The following NME7 variants were observed in gnomAD, a reference collection of about 807,000 sequenced individuals.
NME7 encodes the protein NME/NM23 family member 7, also known as nucleoside diphosphate kinase 7.
In NME7, 41 loss-of-function variants were observed where a neutral mutation model predicts 49.1. The observed-to-expected ratio is 0.83, with a 90% CI of 0.65 to 1.08. NME7 has a LOEUF of 1.08. NME7 is among the 50% of genes least tolerant of loss of function. The pLI is 0.00. For synonymous variants in NME7, 139 were observed against 150.6 expected (o/e 0.92, Z 0.56); for missense variants, 423 against 463.4 (o/e 0.91, Z 0.80).
At chr1:169,266,971 G>T (rs1649337082) in intron 7 of NME7, among the ~76,000 whole-genome samples, 1 of 132,928 alleles carries the variant, frequency 7.5e-6, no homozygotes, top group African/African-American at 2.5e-5. Context: ...GGGAGGCTGA[G>T]GCACAAGAAT....
chr1:169,266,303 T>C lies in NME7; in HGVS notation c.754+21000A>G, dbSNP rs1649318797. ...CTTTATCCTTGGGATACAAGGTTAGTTCAACATACACAAATCAATAAATGT... is the reference window on the plus strand; with the variant it reads ...CTTTATCCTTGGGATACAAGGTTAGCTCAACATACACAAATCAATAAATGT... On this transcript the variant is annotated intron_variant, in intron 7 of 11. Transcript: ENST00000367811. Among the ~76,000 whole-genome samples the C allele has an allele frequency of 2.2e-5, 3 of 133,532 alleles. No homozygotes were observed. The South Asian group carries it at 6.9e-4, about 31-fold the overall frequency. 87.6% of individuals were successfully genotyped at this position (133,532 alleles called of 152,430 possible).
In NME7 at chr1:169,310,003, G is replaced by A; in HGVS notation, c.356C>T (p.Thr119Ile). 1 of 1,603,614 alleles carries A rather than the reference G, an allele frequency of 6.2e-7. No individual in the cohort carries two copies. Among genetic ancestry groups the A allele is most frequent in the Non-Finnish European group, 8.5e-7 (1 of 1,174,402 alleles). The change falls in exon 4 of 12, where the codon ACT (threonine) becomes ATT (isoleucine). Residue 119 changes from threonine (T) to isoleucine (I), a missense_variant. Thr to Ile is a moderately conservative substitution (Grantham distance 89). Transcript: ENST00000367811. ...IIEIINKAGF[T>I]ITKLKMMMLS... ...CATCATCATTTTGAGTTTGGTTATA[G>A]TAAATCCAGCTTTGTTTATTATTTC...
intron 7 of NME7, among the ~76,000 whole-genome samples, chr1:169,264,242 A>C (rs1649249652): frequency 7.5e-6 from 1 of 134,072 alleles, no homozygotes; most frequent in African/African-American, 2.5e-5. Context: ...AAATTCACAC[A>C]TATCAATACT....
chr1:169,257,537 C>G lies in NME7; in HGVS notation c.755-19850G>C, dbSNP rs1328840819. Among the ~76,000 whole-genome samples, 2 of 134,134 alleles carry G rather than the reference C, an allele frequency of 1.5e-5. 1 individual carries two copies. Among genetic ancestry groups the G allele is most frequent in the Non-Finnish European group, 3.5e-5 (2 of 57,104 alleles). The allele number at this position is 134,134 out of a possible 152,430, so 88.0% of individuals were successfully genotyped here. On this transcript the variant is annotated intron_variant, in intron 7 of 11. Coordinates refer to ENST00000367811, the MANE Select transcript of NME7 (RefSeq NM_013330.5). ...AATCACCCGTCTTCTGCGTCGCTCA[C>G]GCTGGGAGCTGTAGACCGGAGCTGT...
intron 11 of NME7, among the ~76,000 whole-genome samples, chr1:169,160,192 TC>T (rs1291299689): frequency 3.9e-5 from 6 of 152,164 alleles, no homozygotes; most frequent in Non-Finnish European, 8.8e-5. Flanking sequence ...ATCTACTTTA[TC>T]CCTTTCTTCA....
chr1:169,225,380 A>G (rs1306463276), intron 10 of NME7, among the ~76,000 whole-genome samples: 2 of 152,180 alleles, frequency 1.3e-5, no homozygotes, highest in South Asian at 2.1e-4. Context: ...AAGTGCTGGG[A>G]TAACAGGTGG....
intron 3 of NME7, among the ~76,000 whole-genome samples, chr1:169,317,473 T>C (rs1352536676): frequency 1.3e-5 from 2 of 152,202 alleles, no homozygotes; most frequent in East Asian, 3.8e-4. Flanking sequence ...CATGCCATCT[T>C]AGACAACGAT....
chr1:169,274,398 T>G (rs1407965378), intron 7 of NME7, among the ~76,000 whole-genome samples: 1 of 133,380 alleles, frequency 7.5e-6, no homozygotes, highest in African/African-American at 2.5e-5. Flanking sequence ...TGCGAAAATT[T>G]TCTCCCATTT....
At chr1:169,251,547 C>CTT (rs36096137) in intron 7 of NME7, among the ~76,000 whole-genome samples, 7,959 of 123,754 alleles carry the variant, frequency 0.064, 1,024 homozygotes, top group East Asian at 0.64. Flanking sequence ...ACTCTGGTTT[C>CTT]TTTTTTTTTT....
At chr1:169,302,917 T>C (rs1405066831) in intron 5 of NME7, among the ~76,000 whole-genome samples, 4 of 152,294 alleles carry the variant, frequency 2.6e-5, no homozygotes, top group Non-Finnish European at 5.9e-5. Flanking sequence ...TAAACAAATC[T>C]TTCTATTTGC....
rs1033291913 is a variant in NME7 at position 169,349,276 on chromosome 1, A to C, written c.3+18432T>G. Among the ~76,000 whole-genome samples the C allele has an allele frequency of 2.2e-4, 33 of 152,154 alleles. 1 individual carries two copies. Among genetic ancestry groups the C allele is most frequent in the African/African-American group, 7.2e-4 (30 of 41,442 alleles). On this transcript the variant is annotated intron_variant, in intron 1 of 11. Transcript: ENST00000367811. ...TCATCGGGACTTTAGGAAACATTTT[A>C]ATGAAAGGATAGCTTGTGCCAGGTC...
intron 10 of NME7, among the ~76,000 whole-genome samples, chr1:169,194,216 G>A (rs1017952387): frequency 2.6e-5 from 4 of 152,146 alleles, no homozygotes; most frequent in African/African-American, 9.7e-5. Context: ...CCCTATGGGG[G>A]CTAAGGTGGC....
intron 1 of NME7, among the ~76,000 whole-genome samples, chr1:169,345,541 T>C (rs1287736737): frequency 6.6e-6 from 1 of 152,094 alleles, no homozygotes; most frequent in Non-Finnish European, 1.5e-5. Flanking sequence ...TTTTTTTGTT[T>C]TTTGTTTTAA....
chr1:169,301,088 A>G (rs535806533), intron 5 of NME7, among the ~76,000 whole-genome samples: 2 of 152,298 alleles, frequency 1.3e-5, no homozygotes, highest in South Asian at 4.1e-4. Flanking sequence ...GACGAGTGGG[A>G]CTAAAGAGCT....
intron 1 of NME7, among the ~76,000 whole-genome samples, chr1:169,329,408 A>C (rs1031866973): frequency 1.3e-5 from 2 of 151,662 alleles, no homozygotes; most frequent in African/African-American, 4.8e-5. Context: ...AAAAAAAAAA[A>C]AAAAAAACCT....
At chr1:169,339,049 T>C (rs1652584543) in intron 1 of NME7, among the ~76,000 whole-genome samples, 1 of 152,140 alleles carries the variant, frequency 6.6e-6, no homozygotes, top group African/African-American at 2.4e-5. Flanking sequence ...CTCCTAGTTC[T>C]GGGACCATAA....
At chr1:169,282,371 C>T (rs568887149) in intron 7 of NME7, among the ~76,000 whole-genome samples, 1 of 152,178 alleles carries the variant, frequency 6.6e-6, no homozygotes, top group East Asian at 1.9e-4. Context: ...AGCAGTCTAT[C>T]TATTTTGATG....
At chr1:169,359,464 C>CTG (rs1472534003) in intron 1 of NME7, among the ~76,000 whole-genome samples, 1 of 145,218 alleles carries the variant, frequency 6.9e-6, no homozygotes, top group East Asian at 4.8e-4. Context: ...GGATATGTAT[C>CTG]TCTGTGTGTG....
intron 7 of NME7, among the ~76,000 whole-genome samples, chr1:169,258,995 A>G (rs1571335127): frequency 7.5e-6 from 1 of 133,950 alleles, no homozygotes; most frequent in African/African-American, 2.5e-5. Flanking sequence ...ACTGCGAGTA[A>G]GGTCTCTGAG....
Sources: allele counts gnomAD v4.1 joint callset (sites outside exome capture counted in the v4.1 genomes callset), GRCh38; gene constraint gnomAD v4.1.1; transcripts MANE v1.5; gene names NCBI Gene and HGNC (gene_info 2026-07-23, HGNC 2026-07-21).